Variants in PDIA6 observed in about 807,000 individuals in gnomAD.
The protein encoded by PDIA6 is protein disulfide-isomerase A6.
Under a neutral mutation model 58.4 loss-of-function variants are expected in PDIA6, and 29 were observed. That is an observed-to-expected ratio of 0.50 (90% CI 0.37 to 0.68). The LOEUF (loss-of-function observed/expected upper bound fraction) is 0.68, where lower values mean the gene tolerates loss of function less well. Ranked by LOEUF, PDIA6 falls within the 30% of genes least tolerant of loss-of-function variation. PDIA6 has a pLI of 0.00. For missense variants in PDIA6, 480 were observed against 551.0 expected (o/e 0.87, Z 1.29); for synonymous variants, 192 against 202.6 (o/e 0.95, Z 0.44).
rs1304240406 is a variant in PDIA6, at chr2:10,784,904, G to GCCCGCACAGCTT, written c.1254+18_1254+29dup. 5 of 1,454,650 alleles carry GCCCGCACAGCTT rather than the reference G, an allele frequency of 3.4e-6. No individual in the cohort carries two copies. In the African/African-American group the frequency reaches 5.6e-5, roughly 16 times the overall value. 90.1% of individuals were successfully genotyped at this position (1,454,650 alleles called of 1,614,324 possible). On this transcript the variant is annotated intron_variant, in intron 12 of 12. Coordinates refer to ENST00000272227, the MANE Select transcript of PDIA6 (RefSeq NM_005742.4). ...CTCAAGAGAGTAAACCAGGACTGCT[G>GCCCGCACAGCTT]CCCGCACAGCTTCCCTCCCGGGCAC...
At chr2:10,804,198 G>A (rs1282176255) in intron 1 of PDIA6, among the ~76,000 whole-genome samples, 13 of 152,024 alleles carry the variant, frequency 8.6e-5, no homozygotes, top group Non-Finnish European at 1.2e-4. Context: ...GTGAGCCACC[G>A]TGCCCGGCCC....
chr2:10,825,214 C>T lies in PDIA6; in HGVS notation c.-47-5860G>A, dbSNP rs373559384. Among the ~76,000 whole-genome samples, 115 of 152,158 alleles carry T rather than the reference C, an allele frequency of 7.6e-4. 1 individual carries two copies. Among genetic ancestry groups the T allele is most frequent in the Middle Eastern group, 3.4e-3 (1 of 294 alleles). On this transcript the variant is annotated intron_variant, in intron 1 of 13. Coordinates refer to the PDIA6 transcript ENST00000381611. Reference sequence around the variant, plus strand: ...GCAGATGGCCTATTTTTGGACCTTGCGATCATGTGAGTTAATATTTTAAAA... The same window carrying T: ...GCAGATGGCCTATTTTTGGACCTTGTGATCATGTGAGTTAATATTTTAAAA...
In PDIA6 at chr2:10,787,451, G is replaced by C. The variant is rs372892140; in HGVS notation, c.999-12C>G. The stretch of plus-strand genomic sequence containing the variant: ...CTGTCCACAGCCACCTAGAAAACCA[G>C]ACTGGTTTTTAGGGCAAATATGTCT... On this transcript the variant is annotated splice_polypyrimidine_tract_variant and intron_variant, in intron 10 of 12. Transcript: ENST00000272227. The C allele has an allele frequency of 6.2e-7, 1 of 1,604,074 alleles. No homozygotes were observed.
chr2:10,820,629 T>C (rs985060241), intron 1 of PDIA6: 32 of 578,884 alleles, frequency 5.5e-5, no homozygotes, highest in Non-Finnish European at 8.7e-5. Context: ...AATAATTTCT[T>C]GAGCTGTTTT....
intron 1 of PDIA6, among the ~76,000 whole-genome samples, chr2:10,805,580 A>G (rs2148556905): frequency 1.2e-5 from 1 of 84,240 alleles, no homozygotes; most frequent in East Asian, 3.5e-4. Context: ...AAAGGACTAT[A>G]AATCATGCTG....
At chr2:10,812,560 C>A in intron 1 of PDIA6, 118 bp downstream of exon 1, 1 of 1,056,756 alleles carries the variant, frequency 9.5e-7, no homozygotes, top group Non-Finnish European at 1.3e-6. Flanking sequence ...GCGCCTCCCG[C>A]CCGCCAGGCC....
intron 1 of PDIA6, among the ~76,000 whole-genome samples, chr2:10,822,358 GT>G (rs1667422812): frequency 6.6e-6 from 1 of 152,018 alleles, no homozygotes; most frequent in African/African-American, 2.4e-5. Flanking sequence ...CGCCTCCCGG[GT>G]TCATGCCATT....
chr2:10,800,890 C>A (rs1208494104), intron 2 of PDIA6, among the ~76,000 whole-genome samples: 1 of 152,104 alleles, frequency 6.6e-6, no homozygotes, highest in African/African-American at 2.4e-5. Context: ...AAATTATAAT[C>A]GTGAGCCATC....
chr2:10,820,725 C>A, intron 1 of PDIA6: 1 of 702,644 alleles, frequency 1.4e-6, no homozygotes, highest in Non-Finnish European at 2.6e-6. Context: ...ATCAGCGGCA[C>A]CAGCTGGGGT....
At chr2:10,804,652 CG>C (rs1156818232) in intron 1 of PDIA6, among the ~76,000 whole-genome samples, 2 of 100,768 alleles carry the variant, frequency 2.0e-5, no homozygotes, top group Non-Finnish European at 4.5e-5. Flanking sequence ...TTTGGCGATG[CG>C]GGCTCTTTTT....
At chr2:10,818,488 T>TATA (rs1558460317) in intron 2 of PDIA6, among the ~76,000 whole-genome samples, 12 of 94,984 alleles carry the variant, frequency 1.3e-4, no homozygotes, top group Admixed American at 3.1e-4. Context: ...TTTAATTTAT[T>TATA]TATTTATTTA....
chr2:10,790,040 G>T, intron 7 of PDIA6, 151 bp from the exon 8 acceptor site: 1 of 619,712 alleles, frequency 1.6e-6, no homozygotes, highest in Non-Finnish European at 2.7e-6. Flanking sequence ...GAGCACAGGT[G>T]CAATCTCAGC....
At chr2:10,787,533 G>C in intron 10 of PDIA6, 94 bp from the exon 11 acceptor site, 1 of 1,153,716 alleles carries the variant, frequency 8.7e-7, no homozygotes, top group Non-Finnish European at 1.2e-6. Context: ...TCACGCTTCA[G>C]ATATTTCGTA....
chr2:10,788,568 G>GGAA (rs528988198), intron 10 of PDIA6, 129 bp downstream of exon 10: 10 of 602,894 alleles, frequency 1.7e-5, no homozygotes, highest in Non-Finnish European at 2.6e-5. Flanking sequence ...AGGCAGGAGG[G>GGAA]AAAAAAAAAA....
At chr2:10,825,357 G>A (rs934919120) in intron 1 of PDIA6, among the ~76,000 whole-genome samples, 12 of 151,746 alleles carry the variant, frequency 7.9e-5, no homozygotes, top group East Asian at 1.9e-4. Flanking sequence ...TGACTAATAC[G>A]GTATCTTAAA....
chr2:10,788,617 A>G (rs1665890758), intron 10 of PDIA6, 80 bp downstream of exon 10: 2 of 983,620 alleles, frequency 2.0e-6, no homozygotes, highest in Non-Finnish European at 3.2e-6. Context: ...ACAGCTTACA[A>G]AAACACGGGG....
chr2:10,797,650 T>A (rs1470949742), intron 3 of PDIA6, 50 bp downstream of exon 3: 1 of 1,315,932 alleles, frequency 7.6e-7, no homozygotes, highest in Non-Finnish European at 1.1e-6. Context: ...TCTTAGAAAC[T>A]TACTGTAAAA....
chr2:10,800,639 T>C (rs1666469189), intron 2 of PDIA6, among the ~76,000 whole-genome samples: 1 of 151,796 alleles, frequency 6.6e-6, no homozygotes, highest in Non-Finnish European at 1.5e-5. Context: ...CTCTCACTGT[T>C]GCCCAGGCTG....
At chr2:10,837,667 G>A in exon 1 of PDIA6, 1 of 1,494,686 alleles carries the variant, frequency 6.7e-7, no homozygotes, top group Non-Finnish European at 9.0e-7. Context: ...AAGCTTCTAG[G>A]TGGCAGAGCT....
Sources: allele counts gnomAD v4.1 joint callset (sites outside exome capture counted in the v4.1 genomes callset), GRCh38; gene constraint gnomAD v4.1.1; transcripts MANE v1.5; gene names NCBI Gene and HGNC (gene_info 2026-07-23, HGNC 2026-07-21).